ANKRD28: variants seen among roughly 807,000 people sequenced by gnomAD.
ANKRD28 encodes the protein ankyrin repeat domain 28.
Under a neutral mutation model 126.5 loss-of-function variants are expected in ANKRD28, and 44 were observed. The observed-to-expected ratio is 0.35, with a 90% CI of 0.27 to 0.45. The LOEUF is 0.45. ANKRD28 is among the 20% of genes least tolerant of loss of function. The pLI is 1.00. For synonymous variants in ANKRD28, 442 were observed against 468.5 expected, an observed-to-expected ratio of 0.94 and a Z score of 0.73; for missense variants, 1,110 against 1,316.6, an observed-to-expected ratio of 0.84 and a Z score of 2.43.
At position 15,846,899 on chromosome 3, in the gene ANKRD28, CT is replaced by C. The variant is rs1288634813; in HGVS notation, c.27+12477del. Among the ~76,000 whole-genome samples, 9 of 152,220 alleles carry C rather than the reference CT, an allele frequency of 5.9e-5. No individual in the cohort carries two copies. Among genetic ancestry groups the C allele is most frequent in the African/African-American group, 2.2e-4 (9 of 41,452 alleles). On this transcript the variant is annotated intron_variant, in intron 1 of 27. Coordinates refer to the ANKRD28 transcript ENST00000399451. The surrounding 1 kb of genome is among the most constrained non-coding windows in gnomAD (Gnocchi z 5.4). ...GCCAGGACTAAAGTAACACTCAACA[CT>C]TCTGCTTTATTTCCTATGGCCAGAT...
chr3:15,823,135 G>A (rs1381477246), intron 1 of ANKRD28, among the ~76,000 whole-genome samples: 2 of 152,166 alleles, frequency 1.3e-5, no homozygotes, highest in Non-Finnish European at 2.9e-5. Flanking sequence ...GGAGCGGGGG[G>A]CGTTGGGCTG....
intron 21 of ANKRD28, among the ~76,000 whole-genome samples, chr3:15,681,257 A>G (rs1332854416): frequency 1.3e-5 from 2 of 152,222 alleles, no homozygotes; most frequent in Non-Finnish European, 2.9e-5. Context: ...GGGAATAATG[A>G]CAAAAAAAAA....
At chr3:15,788,474 G>C (rs2059881391) in intron 2 of ANKRD28, among the ~76,000 whole-genome samples, 1 of 152,196 alleles carries the variant, frequency 6.6e-6, no homozygotes, top group Non-Finnish European at 1.5e-5. Flanking sequence ...GTGAATTTTA[G>C]TAGAAATGTT....
intron 1 of ANKRD28, among the ~76,000 whole-genome samples, chr3:15,844,531 A>T (rs567416128): frequency 6.6e-6 from 1 of 152,322 alleles, no homozygotes; most frequent in Non-Finnish European, 1.5e-5. Context: ...TAAAGGGTTC[A>T]TGTGATTTTG....
rs527899879 is a variant in ANKRD28 at position 15,711,513 on chromosome 3, A to T, written c.1274-239T>A. Among the ~76,000 whole-genome samples the T allele has an allele frequency of 2.6e-5, 4 of 152,348 alleles. No homozygotes were observed. In the East Asian group the frequency reaches 7.7e-4, roughly 29 times the overall value. ...ACCCTTGAGAACATTATATTAAGTG[A>T]AACAAGCCAGTCACAGAAGATCACA... On this transcript the variant is annotated intron_variant, in intron 11 of 27. Coordinates refer to ENST00000683139, the MANE Select transcript of ANKRD28 (RefSeq NM_001349278.2).
chr3:15,766,439 A>C, intron 2 of ANKRD28, 127 bp from the exon 3 acceptor site: 1 of 660,388 alleles, frequency 1.5e-6, no homozygotes, highest in Admixed American at 2.7e-5. Context: ...TATTACTTCT[A>C]TAACTCTAGC....
At chr3:15,710,578 T>C (rs1192661914) in intron 12 of ANKRD28, among the ~76,000 whole-genome samples, 1 of 152,214 alleles carries the variant, frequency 6.6e-6, no homozygotes, top group African/African-American at 2.4e-5. Flanking sequence ...TCATTGAGAA[T>C]AACGTTTTTG....
rs910474235 is a variant in ANKRD28 at position 15,846,166 on chromosome 3, G to A, written c.27+13211C>T. 6.8e-6 allele frequency among the ~76,000 whole-genome samples: 1 copy of A among 147,414 alleles called. No individual in the cohort carries two copies. The highest frequency in any genetic ancestry group is 1.5e-5 in the Non-Finnish European group (1 of 66,524). On this transcript the variant is annotated intron_variant, in intron 1 of 27. Transcript: ENST00000399451. This position sits in a 1 kb window ranked among gnomAD's most constrained non-coding sequence, Gnocchi z 5.4. ...CAAAGTCTCATCTGAGACAAGGCAA[G>A]TCTCTTCCATCTACGAGTCTGTAAA...
chr3:15,705,114 C>G (rs900720853), intron 14 of ANKRD28, among the ~76,000 whole-genome samples: 10 of 152,174 alleles, frequency 6.6e-5, no homozygotes, highest in African/African-American at 2.4e-4. Context: ...AAGCCTGATA[C>G]TTTCCAGTGT....
chr3:15,713,447 C>T (rs1456329379), intron 10 of ANKRD28, 80 bp downstream of exon 10: 49 of 1,053,478 alleles, frequency 4.7e-5, no homozygotes, highest in East Asian at 1.3e-4. Flanking sequence ...CACATTTCCA[C>T]GTGAAATGTC....
rs528271961 is a variant in ANKRD28, at chr3:15,857,525, T to C, written c.27+1852A>G. On this transcript the variant is annotated intron_variant, in intron 1 of 27. Transcript: ENST00000399451. ...GTCTTGAACTCCTAACCTCAAGTGA[T>C]CCGCCTGCCTCGGCCTCTCAAAGTG... Among the ~76,000 whole-genome samples the C allele has an allele frequency of 8.5e-4, 130 of 152,348 alleles. 1 individual carries two copies. The highest frequency in any genetic ancestry group is 3.1e-3 in the African/African-American group (128 of 41,566).
At chr3:15,852,117 G>A (rs1272977987) in intron 1 of ANKRD28, among the ~76,000 whole-genome samples, 2 of 152,038 alleles carry the variant, frequency 1.3e-5, no homozygotes, top group African/African-American at 2.4e-5. Flanking sequence ...GTTCTAAAAT[G>A]GATTTTGGTG....
At chr3:15,718,005 G>A (rs1307960881) in intron 8 of ANKRD28, among the ~76,000 whole-genome samples, 1 of 151,980 alleles carries the variant, frequency 6.6e-6, no homozygotes, top group African/African-American at 2.4e-5. Flanking sequence ...AGAATATGAG[G>A]GTTAGTAAAT....
intron 3 of ANKRD28, among the ~76,000 whole-genome samples, chr3:15,760,330 G>A (rs2058388171): frequency 6.6e-6 from 1 of 152,066 alleles, no homozygotes; most frequent in South Asian, 2.1e-4. Context: ...ATGTACTCCT[G>A]AACTTAAAAT....
intron 6 of ANKRD28, among the ~76,000 whole-genome samples, chr3:15,728,436 G>A (rs974314037): frequency 1.3e-5 from 2 of 152,158 alleles, no homozygotes; most frequent in Admixed American, 6.5e-5. Context: ...TAGGACTACA[G>A]ATGCATGCCA....
intron 23 of ANKRD28, among the ~76,000 whole-genome samples, 161 bp downstream of exon 23, chr3:15,679,140 T>C (rs2067261537): frequency 6.6e-6 from 1 of 152,032 alleles, no homozygotes; most frequent in Non-Finnish European, 1.5e-5. Context: ...ATGCACTTTT[T>C]TTTTTTTTGG....
At chr3:15,713,753 A>T in intron 9 of ANKRD28, 112 bp from the exon 10 acceptor site, 1 of 555,276 alleles carries the variant, frequency 1.8e-6, no homozygotes, top group African/African-American at 1.9e-5. Flanking sequence ...AGATACAGCA[A>T]TTTTAACTAG....
intron 4 of ANKRD28, among the ~76,000 whole-genome samples, chr3:15,742,875 T>C (rs1304623492): frequency 4.7e-5 from 7 of 147,662 alleles, no homozygotes; most frequent in South Asian, 2.2e-4. Context: ...CTGGGAGGTG[T>C]ACCCAACAGC....
chr3:15,676,849 A>T, intron 26 of ANKRD28, 125 bp downstream of exon 26: 1 of 676,168 alleles, frequency 1.5e-6, no homozygotes, highest in Non-Finnish European at 2.4e-6. Flanking sequence ...GACAGTTGTA[A>T]AACTATTAAA....
Sources: gnomAD v4.1 joint callset for allele counts (sites outside exome capture counted in the v4.1 genomes callset) on GRCh38, gnomAD v4.1.1 for gene constraint, Gnocchi (gnomAD v3.1) non-coding constraint, MANE v1.5 for transcripts, NCBI Gene and HGNC (gene_info 2026-07-23, HGNC 2026-07-21) for gene names.